Variants in PTPN1 observed in about 807,000 individuals in gnomAD.
The protein encoded by PTPN1 is tyrosine-protein phosphatase non-receptor type 1.
Under a neutral mutation model 59.9 loss-of-function variants are expected in PTPN1, and 12 were observed. The ratio of observed to expected loss-of-function variants is 0.20; its 90% CI spans 0.13 to 0.32. The LOEUF (loss-of-function observed/expected upper bound fraction) is 0.32, where lower values mean the gene tolerates loss of function less well. Among genes scored for constraint, PTPN1 ranks in the 10% least tolerant of loss-of-function variants. The pLI is 1.00. For synonymous variants in PTPN1, 178 were observed against 203.6 expected (o/e 0.87, Z 1.07); for missense variants, 356 against 549.2 (o/e 0.65, Z 3.52).
chr20:50,517,753 T>G (rs1937550053), intron 1 of PTPN1, among the ~76,000 whole-genome samples: 1 of 152,154 alleles, frequency 6.6e-6, no homozygotes, highest in Non-Finnish European at 1.5e-5. Flanking sequence ...CTCTGGGAAA[T>G]AAACGTATTC....
chr20:50,521,672 C>T (rs527246945), intron 1 of PTPN1, among the ~76,000 whole-genome samples: 7 of 152,326 alleles, frequency 4.6e-5, no homozygotes, highest in African/African-American at 1.4e-4. Flanking sequence ...AAATTGGCCA[C>T]CCACAGTCAT....
intron 5 of PTPN1, among the ~76,000 whole-genome samples, chr20:50,576,744 C>T (rs1003843867): frequency 3.3e-5 from 5 of 150,994 alleles, no homozygotes; most frequent in South Asian, 2.1e-4. Context: ...GGCGTGGTGG[C>T]GGGCACCTGT....
At chr20:50,571,139 C>T (rs1159632109) in intron 4 of PTPN1, 3 of 152,248 alleles carry the variant, frequency 2.0e-5, no homozygotes, top group African/African-American at 7.2e-5. Flanking sequence ...GTTATGTGTT[C>T]CAGCCTCACC....
chr20:50,533,952 A>G (rs2082612593), intron 1 of PTPN1, among the ~76,000 whole-genome samples: 1 of 151,950 alleles, frequency 6.6e-6, no homozygotes, highest in Non-Finnish European at 1.5e-5. Context: ...TGTTTTTGAG[A>G]TGGAGTCTTT....
At chr20:50,558,651 T>C (rs2082736200) in intron 1 of PTPN1, among the ~76,000 whole-genome samples, 1 of 152,232 alleles carries the variant, frequency 6.6e-6, no homozygotes, top group Non-Finnish European at 1.5e-5. Flanking sequence ...CTTTCTTTGC[T>C]TTTCTTCTCT....
In PTPN1 at chr20:50,579,660, C is replaced by T. The variant is rs1210891029; in HGVS notation, c.865-43C>T. On this transcript the variant is annotated intron_variant, in intron 7 of 9. Coordinates refer to ENST00000371621, the MANE Select transcript of PTPN1 (RefSeq NM_002827.4). ...CAAAGGGATTTCCTGACAAACCAGC[C>T]GAAGTGAACACTAATAGGACTTCCT... 1.5e-5 allele frequency: 23 copies of T among 1,549,896 alleles called. 1 individual carries two copies. The highest frequency in any genetic ancestry group is 3.4e-5 in the South Asian group (3 of 89,298).
In PTPN1 at chr20:50,517,041, T is replaced by C. The variant is rs1403386598; in HGVS notation, c.63+6451T>C. Among the ~76,000 whole-genome samples, 4 of 152,182 alleles carry C rather than the reference T, an allele frequency of 2.6e-5. No homozygotes were observed. The East Asian group carries it at 7.7e-4, about 29-fold the overall frequency. On this transcript the variant is annotated intron_variant, in intron 1 of 9. Coordinates refer to ENST00000371621, the MANE Select transcript of PTPN1 (RefSeq NM_002827.4). ...CCTTTTTCAAAGCAGCTTGACATAA[T>C]CATGAGTATCTTGCTGACAGCTTGT... is the stretch of plus-strand genomic sequence containing the variant.
chr20:50,515,194 C>T (rs1266007909), intron 1 of PTPN1, among the ~76,000 whole-genome samples: 1 of 152,210 alleles, frequency 6.6e-6, no homozygotes, highest in Non-Finnish European at 1.5e-5. Flanking sequence ...GCTTCCAGTC[C>T]TTCCCTCCTA....
At chr20:50,574,342 G>C in intron 4 of PTPN1, 175 bp from the exon 5 acceptor site, 1 of 613,780 alleles carries the variant, frequency 1.6e-6, no homozygotes, top group Non-Finnish European at 2.6e-6. Context: ...CAGCAGCTTC[G>C]TGCCCCCACC....
chr20:50,561,419 C>T lies in PTPN1; in HGVS notation c.120C>T (p.Asn40=). 2 of 1,612,730 alleles carry T rather than the reference C, an allele frequency of 1.2e-6. No individual in the cohort carries two copies. Among genetic ancestry groups the T allele is most frequent in the Middle Eastern group, 1.7e-4 (1 of 6,054 alleles). The change falls in exon 2 of 10, where the codon AAC becomes AAT. Residue 40 remains asparagine, a synonymous_variant. Transcript: ENST00000371621. ...FPCRVAKLPK[N]KNRNRYRDVS... ...GTAGAGTGGCCAAGCTTCCTAAGAA[C>T]AAAAACCGAAATAGGTACAGAGACG...
intron 6 of PTPN1, among the ~76,000 whole-genome samples, chr20:50,578,926 A>G (rs2082850843): frequency 6.6e-6 from 1 of 152,192 alleles, no homozygotes; most frequent in Admixed American, 6.5e-5. Context: ...CAGGAGCAAG[A>G]GATGGGGGAG....
intron 1 of PTPN1, among the ~76,000 whole-genome samples, chr20:50,533,692 C>G (rs941371546): frequency 6.6e-6 from 1 of 151,690 alleles, no homozygotes; most frequent in Non-Finnish European, 1.5e-5. Flanking sequence ...ACACCCTTGC[C>G]CCCCCCCAGA....
chr20:50,540,032 A>C (rs1318950205), intron 1 of PTPN1, among the ~76,000 whole-genome samples: 1 of 148,248 alleles, frequency 6.7e-6, no homozygotes, highest in Non-Finnish European at 1.5e-5. Context: ...ACTTCCTCTC[A>C]CTTTTTTAAA....
chr20:50,556,898 T>C (rs748313636), intron 1 of PTPN1, among the ~76,000 whole-genome samples: 6 of 152,214 alleles, frequency 3.9e-5, no homozygotes, highest in Non-Finnish European at 5.9e-5. Flanking sequence ...TGAGCCGATA[T>C]CGCATTATTT....
At chr20:50,576,376 G>A (rs1325346164) in intron 5 of PTPN1, among the ~76,000 whole-genome samples, 1 of 152,142 alleles carries the variant, frequency 6.6e-6, no homozygotes, top group Non-Finnish European at 1.5e-5. Context: ...TTGATGTTAG[G>A]ATCTGTTTGC....
At chr20:50,537,635 A>G (rs1189126335) in intron 1 of PTPN1, among the ~76,000 whole-genome samples, 3 of 152,168 alleles carry the variant, frequency 2.0e-5, no homozygotes, top group African/African-American at 7.2e-5. Context: ...TATCTCCGTC[A>G]TACCCTTGTA....
chr20:50,554,968 A>G (rs1043033329), intron 1 of PTPN1, among the ~76,000 whole-genome samples: 4 of 152,226 alleles, frequency 2.6e-5, no homozygotes, highest in African/African-American at 7.2e-5. Flanking sequence ...GTCAATAGTT[A>G]TATTAAATGT....
intron 1 of PTPN1, among the ~76,000 whole-genome samples, chr20:50,525,501 G>C (rs901411657): frequency 5.3e-5 from 8 of 152,180 alleles, no homozygotes; most frequent in Admixed American, 4.6e-4. Context: ...ATGCCATATA[G>C]ATAACAGAAC....
At chr20:50,537,495 C>G (rs1182394538) in intron 1 of PTPN1, among the ~76,000 whole-genome samples, 1 of 152,162 alleles carries the variant, frequency 6.6e-6, no homozygotes, top group Non-Finnish European at 1.5e-5. Context: ...TCATATTTCC[C>G]CAGTGTTACT....
Sources: gnomAD v4.1 joint callset for allele counts (sites outside exome capture counted in the v4.1 genomes callset) on GRCh38, gnomAD v4.1.1 for gene constraint, MANE v1.5 for transcripts, NCBI Gene and HGNC (gene_info 2026-07-23, HGNC 2026-07-21) for gene names.